Variants in SYNE2 observed in about 807,000 individuals in gnomAD.
SYNE2 encodes nesprin-2.
In SYNE2, 431 loss-of-function variants were observed where a neutral mutation model predicts 856.3. The observed-to-expected ratio is 0.50, with a 90% confidence interval of 0.47 to 0.55. SYNE2 has a LOEUF of 0.55. Among genes scored for constraint, SYNE2 ranks in the 20% least tolerant of loss-of-function variants. SYNE2 has a pLI of 0.00. For missense variants in SYNE2, 8,129 were observed against 8,023.2 expected, an observed-to-expected ratio of 1.01 and a Z score of -0.50; for synonymous variants, 2,923 against 2,872.3, an observed-to-expected ratio of 1.02 and a Z score of -0.56.
intron 32 of SYNE2, 49 bp from the exon 33 acceptor site, chr14:64,016,424 G>GT (rs1358407830): frequency 3.9e-6 from 5 of 1,277,012 alleles, no homozygotes; most frequent in African/African-American, 1.5e-5. Context: ...ATTCTTAGCT[G>GT]TTTGTCTATA....
intron 7 of SYNE2, among the ~76,000 whole-genome samples, chr14:63,951,048 C>T (rs183789060): frequency 1.3e-5 from 2 of 150,446 alleles, no homozygotes; most frequent in Non-Finnish European, 1.5e-5. Context: ...GTTTTTTGCT[C>T]TTGGTAGACA....
chr14:64,102,053 G>A lies in SYNE2; in HGVS notation c.12492+11G>A. On this transcript the variant is annotated intron_variant, in intron 64 of 115. Transcript: ENST00000555002. ...GGAACAATTGTTCAGGTAATGCTGG[G>A]CGTATCAGCCACGCTTAGGGGTTAC... 1 of 1,595,594 alleles carries A rather than the reference G, an allele frequency of 6.3e-7. No individual in the cohort carries two copies. The highest frequency in any genetic ancestry group is 1.1e-5 in the South Asian group (1 of 90,720).
chr14:64,146,271 C>T (rs1183896263), intron 84 of SYNE2, 48 bp downstream of exon 84: 9 of 1,545,104 alleles, frequency 5.8e-6, no homozygotes, highest in South Asian at 1.2e-5. Flanking sequence ...TGGGGTGATT[C>T]GGTCACCTCT....
chr14:63,915,391 A>G (rs2095522188), intron 2 of SYNE2, among the ~76,000 whole-genome samples: 1 of 152,332 alleles, frequency 6.6e-6, no homozygotes, highest in East Asian at 1.9e-4. Flanking sequence ...AAGTAAGTAT[A>G]ACTTGTTGGT....
At chr14:64,036,420 G>A (rs1425898108) in intron 45 of SYNE2, among the ~76,000 whole-genome samples, 2 of 152,064 alleles carry the variant, frequency 1.3e-5, no homozygotes, top group Admixed American at 1.3e-4. Flanking sequence ...TGAGTCGCTG[G>A]GATCACAGGT....
chr14:63,981,685 T>TG (rs1337270150), intron 16 of SYNE2, among the ~76,000 whole-genome samples: 11 of 152,346 alleles, frequency 7.2e-5, no homozygotes, highest in Middle Eastern at 6.8e-3. Flanking sequence ...ATTGTTTTCA[T>TG]GTGTTATTTA....
chr14:64,001,029 A>C (rs2096750437), intron 28 of SYNE2, among the ~76,000 whole-genome samples: 2 of 152,210 alleles, frequency 1.3e-5, no homozygotes, highest in African/African-American at 4.8e-5. Flanking sequence ...CAAGTCACAT[A>C]AACTCTATGG....
chr14:63,868,908 C>G (rs1896151195), intron 1 of SYNE2, among the ~76,000 whole-genome samples: 1 of 152,218 alleles, frequency 6.6e-6, no homozygotes, highest in South Asian at 2.1e-4. Context: ...CTCTCTGCCC[C>G]TTTGGCCTCT....
chr14:64,093,342 TTTATA>T lies in SYNE2; in HGVS notation c.11977-6_11977-2del. On this transcript the variant is annotated splice_acceptor_variant and splice_polypyrimidine_tract_variant and intron_variant, in intron 60 of 115. Coordinates refer to ENST00000555002, the MANE Select transcript of SYNE2 (RefSeq NM_182914.3). LOFTEE classifies it high-confidence loss of function. ...AAAGATTCTTTTTTGTGGGGGTTATTTTATAGGTAGTCATAAAACAGACCAATGAA... is the reference window on the plus strand; with the variant it reads ...AAAGATTCTTTTTTGTGGGGGTTATTGGTAGTCATAAAACAGACCAATGAA... 1 of 1,613,620 alleles carries T rather than the reference TTTATA, an allele frequency of 6.2e-7. No individual in the cohort carries two copies. Among genetic ancestry groups the T allele is most frequent in the Non-Finnish European group, 8.5e-7 (1 of 1,179,656 alleles).
At chr14:64,156,577 G>A (rs909251791) in intron 85 of SYNE2, among the ~76,000 whole-genome samples, 1 of 151,614 alleles carries the variant, frequency 6.6e-6, no homozygotes, top group South Asian at 2.1e-4. Flanking sequence ...TCCTGCCTCA[G>A]CCTCCCTAGT....
chr14:64,087,361 G>T, intron 57 of SYNE2: 1 of 528,698 alleles, frequency 1.9e-6, no homozygotes. Context: ...GTTATTACAT[G>T]TATGAAAGGG....
chr14:63,885,673 C>T (rs1305920713), intron 1 of SYNE2, among the ~76,000 whole-genome samples: 2 of 152,170 alleles, frequency 1.3e-5, no homozygotes, highest in African/African-American at 4.8e-5. Flanking sequence ...GTGATCATAG[C>T]TCACTGCAGC....
At chr14:63,866,386 G>A (rs1895325243) in intron 1 of SYNE2, among the ~76,000 whole-genome samples, 1 of 152,146 alleles carries the variant, frequency 6.6e-6, no homozygotes, top group African/African-American at 2.4e-5. Flanking sequence ...ATTTTGGCCA[G>A]GCATAGTTGC....
At chr14:63,853,883 TCTC>T (rs552251396) in intron 1 of SYNE2, among the ~76,000 whole-genome samples, 39 of 152,194 alleles carry the variant, frequency 2.6e-4, no homozygotes, top group African/African-American at 7.9e-4. Context: ...GGTGGCACCT[TCTC>T]CTCCTTAGGT....
At position 63,990,349 on chromosome 14, in the gene SYNE2, GATTA is replaced by G; in HGVS notation, c.2314-59_2314-56del. On this transcript the variant is annotated intron_variant, in intron 19 of 115. Coordinates refer to ENST00000555002, the MANE Select transcript of SYNE2 (RefSeq NM_182914.3). ...TTTTTTGGTTTCCTGAGATTGTTTT[GATTA>G]ATGTTTAGCATATAATCAGAATGTT... The G allele has an allele frequency of 5.2e-6, 8 of 1,533,178 alleles. No individual in the cohort carries two copies. The South Asian group carries it at 9.4e-5, about 18-fold the overall frequency. 95.0% of individuals were successfully genotyped at this position (1,533,178 alleles called of 1,614,324 possible). A position where few individuals can be genotyped will look rare whatever the true frequency, so the allele number is the denominator to read the frequency against.
rs866339140 is a variant in SYNE2, at chr14:64,183,201, T to G, written c.17557-3223T>G. Among the ~76,000 whole-genome samples, 720 of 94,114 alleles carry G rather than the reference T, an allele frequency of 7.7e-3. 9 individuals are homozygous for G. Among genetic ancestry groups the G allele is most frequent in the African/African-American group, 0.024 (600 of 24,892 alleles). 61.7% of individuals were successfully genotyped at this position (94,114 alleles called of 152,430 possible). A position where few individuals can be genotyped will look rare whatever the true frequency, so the allele number is the denominator to read the frequency against. ...AGAGACGCTCCTCACTTCCCGGACG[T>G]GGCAGCTGCCGGGCGGAGGGGCTCC... is the stretch of plus-strand genomic sequence containing the variant. On this transcript the variant is annotated intron_variant, in intron 96 of 115. Transcript: ENST00000555002.
intron 1 of SYNE2, among the ~76,000 whole-genome samples, chr14:63,762,879 G>T (rs1363354145): frequency 2.6e-5 from 4 of 152,096 alleles, no homozygotes; most frequent in African/African-American, 9.7e-5. Context: ...GGTGAATCCA[G>T]GCAAAGATTA....
chr14:64,211,447 A>G (rs937979060), intron 103 of SYNE2, among the ~76,000 whole-genome samples: 1 of 152,198 alleles, frequency 6.6e-6, no homozygotes, highest in African/African-American at 2.4e-5. Flanking sequence ...CTGGGAAGAC[A>G]CATTCAGAAT....
intron 34 of SYNE2, among the ~76,000 whole-genome samples, chr14:64,018,740 G>C (rs1594899904): frequency 6.6e-6 from 1 of 152,066 alleles, no homozygotes; most frequent in Non-Finnish European, 1.5e-5. Context: ...GTTAACCTCC[G>C]ATCTAGACCA....
Sources: allele counts gnomAD v4.1 joint callset (sites outside exome capture counted in the v4.1 genomes callset), GRCh38; gene constraint gnomAD v4.1.1; transcripts MANE v1.5; gene names NCBI Gene and HGNC (gene_info 2026-07-23, HGNC 2026-07-21).